The following ZZEF1 variants were observed in gnomAD, a reference collection of about 807,000 sequenced individuals.
ZZEF1 encodes the protein zinc finger ZZ-type and EF-hand domain-containing protein 1.
In ZZEF1, 157 loss-of-function variants were observed where a neutral mutation model predicts 342.8. That is an observed-to-expected ratio of 0.46 (90% CI 0.40 to 0.52). ZZEF1 has a LOEUF of 0.52. ZZEF1 is among the 20% of genes least tolerant of loss of function. The pLI is 0.00. For synonymous variants in ZZEF1, 1,505 were observed against 1,429.1 expected (o/e 1.05, Z -1.20); for missense variants, 3,480 against 3,725.6 (o/e 0.93, Z 1.72).
rs1597765940 is a variant in ZZEF1 at position 4,019,832 on chromosome 17, A to G, written c.7405-63T>C. The G allele has an allele frequency of 3.0e-5, 38 of 1,277,666 alleles. 1 individual carries two copies. In the East Asian group the frequency reaches 9.8e-4, roughly 33 times the overall value. The allele number at this position is 1,277,666 out of a possible 1,614,324, so 79.1% of individuals were successfully genotyped here. A position where few individuals can be genotyped will look rare whatever the true frequency, so the allele number is the denominator to read the frequency against. ...CAGTGCTTCAATACGGTATTGATCA[A>G]CTGAACTCAAAACTGAGAAGACAAT... On this transcript the variant is annotated intron_variant, in intron 45 of 54. Coordinates refer to ENST00000381638, the MANE Select transcript of ZZEF1 (RefSeq NM_015113.4).
Position 4,103,585 on chromosome 17 carries a change from G to A in ZZEF1, c.1573+1048C>T, listed in dbSNP as rs535468930. Among the ~76,000 whole-genome samples, 3 of 151,916 alleles carry A rather than the reference G, an allele frequency of 2.0e-5. No homozygotes were observed. The East Asian group carries it at 5.8e-4, about 29-fold the overall frequency. ...ATAAAAATAAAAATAAACATAAAAA[G>A]AAGCCATTAAGTCAGTCACACTAAG... On this transcript the variant is annotated intron_variant, in intron 8 of 54. Coordinates refer to ENST00000381638, the MANE Select transcript of ZZEF1 (RefSeq NM_015113.4).
In ZZEF1 at chr17:4,049,760, T is replaced by A; in HGVS notation, c.5963A>T (p.Glu1988Val). 6.2e-7 allele frequency: 1 copy of A among 1,614,166 alleles called. No homozygotes were observed. ...CTGGACAGCTTTCTTCTCTAGCTGC[T>A]CCTCTGACGCTCCGGTGGGCACAGT... Reference protein sequence around the residue: ...PVTVPTGASEEQLEKKAVQGA... With the variant: ...PVTVPTGASEVQLEKKAVQGA... Residue 1988 changes from glutamate to valine, a missense_variant, in exon 37 of 55, where the codon GAG (glutamate) becomes GTG (valine). This residue lies in a region of ZZEF1 where 1,269 missense variants were observed against 1,342.4 expected (regional missense o/e 0.95). Transcript: ENST00000381638.
Position 4,088,897 on chromosome 17 carries a change from G to A in ZZEF1, c.2026-4C>T, listed in dbSNP as rs1197350860. On this transcript the variant is annotated splice_polypyrimidine_tract_variant and splice_region_variant and intron_variant, in intron 12 of 54. Transcript: ENST00000381638. ...AGAGGAACTTCACCATCAAATACTG[G>A]ACAGGACAAGAGAGATTTCAATAGA... 1.2e-6 allele frequency: 2 copies of A among 1,613,640 alleles called. No homozygotes were observed. The highest frequency in any genetic ancestry group is 1.7e-6 in the Non-Finnish European group (2 of 1,179,902).
rs1308809439 is a variant in ZZEF1 at position 4,021,248 on chromosome 17, C to A, written c.7285G>T (p.Asp2429Tyr). 1 of 1,614,234 alleles carries A rather than the reference C, an allele frequency of 6.2e-7. No individual in the cohort carries two copies. The highest frequency in any genetic ancestry group is 8.5e-7 in the Non-Finnish European group (1 of 1,180,032). Residue 2429 changes from aspartate to tyrosine, a missense_variant, in exon 45 of 55, where the codon GAT becomes TAT. Coordinates refer to ENST00000381638, the MANE Select transcript of ZZEF1 (RefSeq NM_015113.4). Reference sequence around the variant, plus strand: ...TCTTCCTCTCGGTCCCCTCGCTCATCCAGCTCTAGGTCTCCGTGCTCAGCC... The same window carrying A: ...TCTTCCTCTCGGTCCCCTCGCTCATACAGCTCTAGGTCTCCGTGCTCAGCC... Reference protein sequence around the residue: ...ALAEHGDLELDERGDREEEVE... With the variant: ...ALAEHGDLELYERGDREEEVE...
chr17:4,082,870 C>T (rs143149460), intron 16 of ZZEF1, among the ~76,000 whole-genome samples: 9 of 152,196 alleles, frequency 5.9e-5, no homozygotes, highest in African/African-American at 2.2e-4. Context: ...CTGCCTTCCG[C>T]GTTCAAGCAA....
intron 39 of ZZEF1, among the ~76,000 whole-genome samples, chr17:4,037,468 G>C (rs1341261566): frequency 6.6e-6 from 1 of 152,182 alleles, no homozygotes; most frequent in African/African-American, 2.4e-5. Context: ...CCACACAATA[G>C]GTGGCCTGTG....
intron 16 of ZZEF1, among the ~76,000 whole-genome samples, chr17:4,084,115 C>A (rs547784783): frequency 1.3e-5 from 2 of 152,308 alleles, no homozygotes; most frequent in South Asian, 4.1e-4. Context: ...TTGTCTTATT[C>A]CGCATTTTGA....
At chr17:4,032,042 C>T (rs2145051437) in intron 42 of ZZEF1, 84 bp downstream of exon 42, 1 of 1,451,884 alleles carries the variant, frequency 6.9e-7, no homozygotes, top group Non-Finnish European at 9.2e-7. Flanking sequence ...AGGCCAAGAG[C>T]CAAGGTAATT....
intron 15 of ZZEF1, 117 bp from the exon 16 acceptor site, chr17:4,085,920 GA>G: frequency 7.5e-7 from 1 of 1,341,932 alleles, no homozygotes; most frequent in East Asian, 2.3e-5. Context: ...CCAGAGTGAA[GA>G]AGTATTTCTG....
At chr17:4,046,028 T>C (rs750892040) in intron 37 of ZZEF1, among the ~76,000 whole-genome samples, 18 of 152,120 alleles carry the variant, frequency 1.2e-4, no homozygotes, top group Admixed American at 3.9e-4. Context: ...GAGGTTTCAC[T>C]GTGTTAGCCA....
chr17:4,021,951 T>G (rs912053556), intron 44 of ZZEF1, among the ~76,000 whole-genome samples: 1 of 151,840 alleles, frequency 6.6e-6, no homozygotes, highest in Non-Finnish European at 1.5e-5. Context: ...TTTTCTTTTA[T>G]AAAGTTTTCT....
chr17:4,142,984 G>C lies in ZZEF1; in HGVS notation c.-89C>G, dbSNP rs2058895542. 13 of 1,262,944 alleles carry C rather than the reference G, an allele frequency of 1.0e-5. No individual in the cohort carries two copies. Among genetic ancestry groups the C allele is most frequent in the Non-Finnish European group, 9.9e-6 (10 of 1,008,064 alleles). 78.2% of individuals were successfully genotyped at this position (1,262,944 alleles called of 1,614,324 possible). ...CAACCTCCGACAGCAGCTGGCGGGC[G>C]GGGACGCGGAGGAGACGACGGCGGC... On this transcript the variant is annotated 5_prime_UTR_variant, in exon 1 of 55. Coordinates refer to ENST00000381638, the MANE Select transcript of ZZEF1 (RefSeq NM_015113.4).
In ZZEF1 at chr17:4,041,874, G is replaced by A. The variant is rs77305872; in HGVS notation, c.6306+555C>T. Among the ~76,000 whole-genome samples, 663 of 152,110 alleles carry A rather than the reference G, an allele frequency of 4.4e-3. 3 individuals are homozygous for A. Among genetic ancestry groups the A allele is most frequent in the African/African-American group, 0.015 (633 of 41,518 alleles). ...CTAAATACAACGGAATTTTTAAGAGGATCCTGATTTAAAAAAAAAACCTGT... is the reference window on the plus strand; with the variant it reads ...CTAAATACAACGGAATTTTTAAGAGAATCCTGATTTAAAAAAAAAACCTGT... On this transcript the variant is annotated intron_variant, in intron 39 of 54. Transcript: ENST00000381638.
intron 17 of ZZEF1, 66 bp from the exon 18 acceptor site, chr17:4,081,556 G>A: frequency 4.4e-6 from 6 of 1,371,016 alleles, no homozygotes; most frequent in Non-Finnish European, 5.1e-6. Context: ...TATTTTAAAA[G>A]ATTCCAAAAC....
intron 6 of ZZEF1, among the ~76,000 whole-genome samples, chr17:4,109,419 C>T (rs1416008897): frequency 6.6e-6 from 1 of 152,056 alleles, no homozygotes; most frequent in Non-Finnish European, 1.5e-5. Context: ...AACTGTGTGA[C>T]GAGGAGCAGG....
intron 36 of ZZEF1, 90 bp from the exon 37 acceptor site, chr17:4,049,949 GAAAT>G (rs1000775149): frequency 6.9e-7 from 1 of 1,453,872 alleles, no homozygotes; most frequent in African/African-American, 1.4e-5. Flanking sequence ...CCATTATATA[GAAAT>G]AAATAAATGA....
At chr17:4,083,784 T>C (rs1324130946) in intron 16 of ZZEF1, among the ~76,000 whole-genome samples, 1 of 152,044 alleles carries the variant, frequency 6.6e-6, no homozygotes, top group Non-Finnish European at 1.5e-5. Context: ...ACTACAGGCA[T>C]GTGCCACCAC....
At chr17:4,090,918 C>A (rs1317901396) in intron 11 of ZZEF1, 88 bp from the exon 12 acceptor site, 4 of 978,626 alleles carry the variant, frequency 4.1e-6, no homozygotes, top group Non-Finnish European at 6.3e-6. Context: ...TGACATGTAA[C>A]TTGTATCTGT....
rs759097880 is a variant in ZZEF1, at chr17:4,049,785, T to C, written c.5938A>G (p.Thr1980Ala). Residue 1980 changes from threonine to alanine, a missense_variant, in exon 37 of 55, where the codon ACT becomes GCT. By Grantham distance (58) the Thr-to-Ala change is moderately conservative. Transcript: ENST00000381638. ...SSLEDQALPV[T>A]VPTGASEEQL... ...TCCTCTGACGCTCCGGTGGGCACAG[T>C]GACTGGTAGGGCCTGATCTTCTAGG... The C allele has an allele frequency of 5.1e-5, 82 of 1,614,084 alleles. No homozygotes were observed. The highest frequency in any genetic ancestry group is 5.1e-6 in the Non-Finnish European group (6 of 1,180,046).
Sources: gnomAD v4.1 joint callset for allele counts (sites outside exome capture counted in the v4.1 genomes callset) on GRCh38, gnomAD v4.1.1 for gene constraint, gnomAD v4.1.1 regional missense constraint, MANE v1.5 for transcripts, NCBI Gene and HGNC (gene_info 2026-07-23, HGNC 2026-07-21) for gene names.